RMI1: variants seen among roughly 807,000 people sequenced by gnomAD.
The protein encoded by RMI1 is RecQ mediated genome instability 1, also known as recQ-mediated genome instability protein 1.
Under a neutral mutation model 46.7 loss-of-function variants are expected in RMI1, and 36 were observed. That is an observed-to-expected ratio of 0.77 (90% confidence interval 0.59 to 1.02). The LOEUF is 1.02. Among genes scored for constraint, RMI1 ranks in the 50% least tolerant of loss-of-function variants. The pLI, the probability that RMI1 is intolerant of heterozygous loss-of-function variation, is 0.00. For synonymous variants in RMI1, 250 were observed against 252.9 expected, an observed-to-expected ratio of 0.99 and a Z score of 0.11; for missense variants, 676 against 713.7, an observed-to-expected ratio of 0.95 and a Z score of 0.60.
intron 1 of RMI1, among the ~76,000 whole-genome samples, chr9:83,990,451 C>T (rs748944196): frequency 9.3e-5 from 14 of 150,360 alleles, no homozygotes; most frequent in African/African-American, 9.8e-5. Context: ...CGGAGGTTGC[C>T]GTGAGTCGAG....
intron 1 of RMI1, among the ~76,000 whole-genome samples, chr9:83,991,900 C>T (rs375317487): frequency 3.3e-5 from 5 of 152,096 alleles, no homozygotes; most frequent in Non-Finnish European, 7.4e-5. Context: ...TATGAAGTGT[C>T]GATGTTATAT....
At chr9:84,000,245 G>C (rs1023809688) in intron 2 of RMI1, among the ~76,000 whole-genome samples, 3 of 152,104 alleles carry the variant, frequency 2.0e-5, no homozygotes, top group Non-Finnish European at 4.4e-5. Flanking sequence ...CCCTTTCTCC[G>C]TGGTTTTGCT....
rs747387117 is a variant in RMI1 at position 84,001,941 on chromosome 9, G to C, written c.955G>C (p.Ala319Pro). Residue 319 changes from alanine to proline, a missense_variant, in exon 3 of 3, where the codon GCC becomes CCC. Coordinates refer to ENST00000445877, the MANE Select transcript of RMI1 (RefSeq NM_001358291.2). ...ATTAGATGACTTTTCACTGGAGGAG[G>C]CCTTGCTTTTAGAAGAAACTGTCCA... Reference protein sequence around the residue: ...GELDDFSLEEALLLEETVQKE... With the variant: ...GELDDFSLEEPLLLEETVQKE... The C allele has an allele frequency of 9.3e-6, 15 of 1,614,064 alleles. No individual in the cohort carries two copies. The highest frequency in any genetic ancestry group is 1.7e-5 in the Admixed American group (1 of 60,004).
chr9:83,989,416 A>G (rs1957535490), intron 1 of RMI1, among the ~76,000 whole-genome samples: 2 of 152,220 alleles, frequency 1.3e-5, no homozygotes, highest in Admixed American at 6.5e-5. Flanking sequence ...GAATCAGAGA[A>G]AACATTTGCA....
intron 2 of RMI1, among the ~76,000 whole-genome samples, chr9:84,000,348 G>A (rs937990118): frequency 1.3e-5 from 2 of 152,126 alleles, no homozygotes; most frequent in Non-Finnish European, 2.9e-5. Flanking sequence ...ATTTAGTGCT[G>A]TTCCGAATAG....
intron 2 of RMI1, 123 bp downstream of exon 2, chr9:83,999,920 A>G (rs1485310795): frequency 2.6e-5 from 4 of 152,228 alleles, no homozygotes; most frequent in Non-Finnish European, 5.9e-5. Context: ...CTGTTTTGCT[A>G]CTGCTTTATC....
At chr9:83,985,723 A>T (rs1957478811) in intron 1 of RMI1, among the ~76,000 whole-genome samples, 1 of 152,170 alleles carries the variant, frequency 6.6e-6, no homozygotes, top group South Asian at 2.1e-4. Flanking sequence ...TCAGTAGCAC[A>T]TACGGCCGGG....
At chr9:83,980,413 C>T (rs1017677666), upstream of RMI1, 3 of 152,724 alleles carry the variant, frequency 2.0e-5, no homozygotes, top group Non-Finnish European at 4.4e-5. Flanking sequence ...CTCGAGAAAA[C>T]CCGGGCTTGG....
intron 1 of RMI1, among the ~76,000 whole-genome samples, chr9:83,994,998 ATTAT>A (rs779037530): frequency 1.3e-5 from 2 of 152,044 alleles, no homozygotes; most frequent in South Asian, 2.1e-4. Flanking sequence ...AATTTCAACC[ATTAT>A]TTATTTATTT....
chr9:84,000,489 T>C (rs902363023), intron 2 of RMI1, among the ~76,000 whole-genome samples: 1 of 152,126 alleles, frequency 6.6e-6, no homozygotes, highest in Non-Finnish European at 1.5e-5. Context: ...TATATTAAGT[T>C]TGATAATATT....
At chr9:83,987,604 T>A (rs1293069392) in intron 1 of RMI1, among the ~76,000 whole-genome samples, 3 of 152,226 alleles carry the variant, frequency 2.0e-5, no homozygotes, top group Admixed American at 6.5e-5. Flanking sequence ...ATCGTCATGT[T>A]ATAGAACAAT....
At chr9:84,000,093 G>C (rs1460312308) in intron 2 of RMI1, among the ~76,000 whole-genome samples, 1 of 152,186 alleles carries the variant, frequency 6.6e-6, no homozygotes, top group Non-Finnish European at 1.5e-5. Flanking sequence ...TAAATGGACA[G>C]ACACAGTGGT....
chr9:83,999,968 G>C (rs918750154), intron 2 of RMI1, among the ~76,000 whole-genome samples, 171 bp downstream of exon 2: 1 of 152,038 alleles, frequency 6.6e-6, no homozygotes, highest in Non-Finnish European at 1.5e-5. Flanking sequence ...TTATATATTT[G>C]CCTGGCCAGA....
In RMI1 at chr9:84,001,997, A is replaced by G. The variant is rs757474023; in HGVS notation, c.1011A>G (p.Gln337=). 2.5e-6 allele frequency: 4 copies of G among 1,613,974 alleles called. No homozygotes were observed. The highest frequency in any genetic ancestry group is 2.2e-5 in the South Asian group (2 of 91,088). ...QKEQMETKEL[Q]PLTFNRNADR... ...AACAGATGGAAACTAAGGAATTGCAACCATTGACTTTTAACAGAAATGCCG... is the reference window on the plus strand; with the variant it reads ...AACAGATGGAAACTAAGGAATTGCAGCCATTGACTTTTAACAGAAATGCCG... Residue 337 remains glutamine, a synonymous_variant, in exon 3 of 3, where the codon CAA becomes CAG. Transcript: ENST00000445877.
chr9:83,989,667 C>CAAAAAAAAAAAA (rs34101686), intron 1 of RMI1, among the ~76,000 whole-genome samples: 1 of 141,932 alleles, frequency 7.0e-6, no homozygotes, highest in Non-Finnish European at 1.5e-5. Context: ...ATCAAAAAGA[C>CAAAAAAAAAAAA]AAAAAAAAAA....
At chr9:83,983,617 A>C (rs1165780554) in intron 1 of RMI1, among the ~76,000 whole-genome samples, 1 of 152,186 alleles carries the variant, frequency 6.6e-6, no homozygotes, top group African/African-American at 2.4e-5. Context: ...TATTAAAAAA[A>C]AATTGGAATA....
At position 84,002,219 on chromosome 9, in the gene RMI1, C is replaced by T. The variant is rs779177323; in HGVS notation, c.1233C>T (p.Ala411=). 6.2e-6 allele frequency: 10 copies of T among 1,608,194 alleles called. No individual in the cohort carries two copies. The highest frequency in any genetic ancestry group is 1.7e-4 in the Middle Eastern group (1 of 6,008). ...CAGTTCATTGTAATGTACCCTTAGC[C>T]CATGATTTTACAAATAAAGAAAAGA... The part of the protein sequence containing the change: ...IFSVHCNVPL[A]HDFTNKEKNL... The change falls in exon 3 of 3, where the codon GCC becomes GCT. Residue 411 remains alanine, a synonymous_variant. Transcript: ENST00000445877.
Position 84,001,173 on chromosome 9 carries a change from G to T in RMI1, c.187G>T (p.Asp63Tyr), listed in dbSNP as rs1234885039. 4 of 1,613,980 alleles carry T rather than the reference G, an allele frequency of 2.5e-6. No individual in the cohort carries two copies. In the African/African-American group the frequency reaches 5.3e-5, roughly 22 times the overall value. The change falls in exon 3 of 3, where the codon GAT becomes TAT. Residue 63 changes from aspartate (D) to tyrosine (Y), a missense_variant. By Grantham distance (160) the Asp-to-Tyr change is radical. Transcript: ENST00000445877. ...GCAGTGGCTCCTTACTGATCTGAGG[G>T]ATTTGGAGCATCCTCTTTTACCCGA... ...FEQWLLTDLR[D>Y]LEHPLLPDGI...
intron 1 of RMI1, among the ~76,000 whole-genome samples, chr9:83,987,438 A>G (rs1235556080): frequency 6.6e-6 from 1 of 152,102 alleles, no homozygotes; most frequent in Admixed American, 6.6e-5. Flanking sequence ...TTCCTCAGCT[A>G]GTTTGAAAGT....
Sources: allele counts gnomAD v4.1 joint callset (sites outside exome capture counted in the v4.1 genomes callset), GRCh38; gene constraint gnomAD v4.1.1; transcripts MANE v1.5; gene names NCBI Gene and HGNC (gene_info 2026-07-23, HGNC 2026-07-21).